The following SLC7A2 variants were observed in gnomAD, a reference collection of about 807,000 sequenced individuals.
SLC7A2 encodes the protein solute carrier family 7 member 2.
SLC7A2 carries 48 observed loss-of-function variants against 58.9 expected under a neutral mutation model. The ratio of observed to expected loss-of-function variants is 0.82; its 90% CI spans 0.65 to 1.04. The LOEUF (loss-of-function observed/expected upper bound fraction) is 1.04, where lower values mean the gene tolerates loss of function less well. Ranked by LOEUF, SLC7A2 falls within the 50% of genes least tolerant of loss-of-function variation. The pLI, the probability that SLC7A2 is intolerant of heterozygous loss-of-function variation, is 0.00. For synonymous variants in SLC7A2, 363 were observed against 314.5 expected, an observed-to-expected ratio of 1.15 and a Z score of -1.63; for missense variants, 1,029 against 818.8, an observed-to-expected ratio of 1.26 and a Z score of -3.13.
upstream of SLC7A2, among the ~76,000 whole-genome samples, chr8:17,494,982 T>C (rs1799921132): frequency 6.6e-6 from 1 of 152,248 alleles, no homozygotes; most frequent in Non-Finnish European, 1.5e-5. Flanking sequence ...CTGACAAAAT[T>C]GGCAGTTTCC....
At chr8:17,495,089 G>A (rs1006562100), upstream of SLC7A2, among the ~76,000 whole-genome samples, 2 of 152,062 alleles carry the variant, frequency 1.3e-5, no homozygotes, top group Admixed American at 6.5e-5. Context: ...AAAAATATGT[G>A]GGGAAATAAT....
chr8:17,512,489 C>G (rs1036367999), intron 2 of SLC7A2, among the ~76,000 whole-genome samples: 2 of 152,062 alleles, frequency 1.3e-5, no homozygotes, highest in Non-Finnish European at 2.9e-5. Flanking sequence ...GGAGATTGCA[C>G]TGAGGCAAGA....
intron 11 of SLC7A2, 35 bp from the exon 12 acceptor site, chr8:17,563,568 A>C: frequency 7.9e-7 from 1 of 1,272,596 alleles, no homozygotes; most frequent in Non-Finnish European, 1.1e-6. Flanking sequence ...GCTTCAAAAT[A>C]TGAGTATGTT....
intron 2 of SLC7A2, among the ~76,000 whole-genome samples, chr8:17,512,614 A>G (rs1309322887): frequency 4.3e-5 from 4 of 93,228 alleles, no homozygotes; most frequent in Admixed American, 3.6e-4. Flanking sequence ...CTTATCCCTC[A>G]TGGTGGGTTT....
At chr8:17,525,656 A>G (rs546827942) in intron 2 of SLC7A2, among the ~76,000 whole-genome samples, 4 of 152,216 alleles carry the variant, frequency 2.6e-5, no homozygotes, top group Non-Finnish European at 4.4e-5. Context: ...AGAATCCTAC[A>G]TGCCTCAACA....
At chr8:17,508,672 C>T (rs535024569) in intron 2 of SLC7A2, among the ~76,000 whole-genome samples, 4 of 151,492 alleles carry the variant, frequency 2.6e-5, no homozygotes, top group East Asian at 1.9e-4. Flanking sequence ...TACAGTGAGG[C>T]GAGACCACTC....
intron 8 of SLC7A2, among the ~76,000 whole-genome samples, chr8:17,555,422 A>C (rs1802652073): frequency 6.6e-6 from 1 of 152,344 alleles, no homozygotes; most frequent in South Asian, 2.1e-4. Flanking sequence ...TATTATTGAT[A>C]CATAAACTTC....
intron 2 of SLC7A2, among the ~76,000 whole-genome samples, chr8:17,517,778 C>T (rs1027695219): frequency 8.5e-5 from 13 of 152,100 alleles, no homozygotes; most frequent in Admixed American, 7.2e-4. Context: ...TTTTTGGTAA[C>T]ATCTTGATGA....
Position 17,548,752 on chromosome 8 carries a change from C to T in SLC7A2, c.607C>T (p.Leu203=), listed in dbSNP as rs757615348. 1 of 1,613,724 alleles carries T rather than the reference C, an allele frequency of 6.2e-7. No homozygotes were observed. Among genetic ancestry groups the T allele is most frequent in the Non-Finnish European group, 8.5e-7 (1 of 1,179,800 alleles). ...VFTAVNILVL[L]FVMVAGFVKG... ...CACAGCTGTTAATATTCTCGTCCTT[C>T]TGTTTGTGATGGTTGCTGGGTTTGT... is the stretch of plus-strand genomic sequence containing the variant. Residue 203 remains leucine (L), a synonymous_variant, in exon 5 of 13, where the codon CTG becomes TTG. Coordinates refer to ENST00000494857, the MANE Select transcript of SLC7A2 (RefSeq NM_001370338.1).
At chr8:17,535,388 A>G (rs1300049824) in intron 2 of SLC7A2, among the ~76,000 whole-genome samples, 1 of 152,084 alleles carries the variant, frequency 6.6e-6, no homozygotes, top group African/African-American at 2.4e-5. Flanking sequence ...AACTACCTGT[A>G]TCCCCGTCAC....
intron 7 of SLC7A2, 98 bp from the exon 8 acceptor site, chr8:17,554,462 A>G (rs529586872): frequency 5.2e-6 from 5 of 955,594 alleles, no homozygotes; most frequent in South Asian, 2.9e-5. Flanking sequence ...CATAATTACA[A>G]CTGTCATGCT....
intron 2 of SLC7A2, among the ~76,000 whole-genome samples, chr8:17,542,856 G>A (rs546053679): frequency 3.9e-5 from 6 of 152,048 alleles, no homozygotes; most frequent in South Asian, 4.1e-4. Context: ...GAGCTACTCC[G>A]GAGGCTGAGG....
chr8:17,543,852 TCTC>T (rs200478026), intron 3 of SLC7A2, 137 bp downstream of exon 3: 1 of 691,664 alleles, frequency 1.4e-6, no homozygotes. Flanking sequence ...CTCGAAAATG[TCTC>T]CTTCTAATTA....
At chr8:17,561,901 G>A (rs770164412) in intron 10 of SLC7A2, 43 bp from the exon 11 acceptor site, 2 of 1,598,646 alleles carry the variant, frequency 1.3e-6, no homozygotes, top group Non-Finnish European at 1.7e-6. Context: ...AATCTGGGTG[G>A]AGCACAGTGT....
chr8:17,513,994 A>G (rs368851342), intron 2 of SLC7A2, among the ~76,000 whole-genome samples: 61 of 152,336 alleles, frequency 4.0e-4, no homozygotes, highest in African/African-American at 1.3e-3. Context: ...GGATTTAAAA[A>G]TAATCTGGGT....
rs1215185531 is a variant in SLC7A2, at chr8:17,570,279, G to T, written c.*5133G>T. ...AGGAGTGTCCAGTTGTTTTATTGCT[G>T]TATTTTGTTATTGCAGTACTTAATA... On this transcript the variant is annotated 3_prime_UTR_variant, in exon 13 of 13. Coordinates refer to ENST00000494857, the MANE Select transcript of SLC7A2 (RefSeq NM_001370338.1). 1 of 152,344 alleles carries T rather than the reference G, an allele frequency of 6.6e-6. No homozygotes were observed. 9.4% of individuals were successfully genotyped at this position (152,344 alleles called of 1,614,324 possible).
chr8:17,534,087 C>A (rs995301665), intron 2 of SLC7A2, among the ~76,000 whole-genome samples: 1 of 152,184 alleles, frequency 6.6e-6, no homozygotes, highest in South Asian at 2.1e-4. Flanking sequence ...CTGCAAAGGA[C>A]ATGATCTTGT....
At chr8:17,524,873 A>G (rs1470579107) in intron 2 of SLC7A2, among the ~76,000 whole-genome samples, 5 of 152,042 alleles carry the variant, frequency 3.3e-5, no homozygotes, top group East Asian at 1.9e-4. Context: ...AGTTCTTAGC[A>G]TACTTGATGA....
At chr8:17,518,183 A>G (rs982323909) in intron 2 of SLC7A2, among the ~76,000 whole-genome samples, 17 of 151,178 alleles carry the variant, frequency 1.1e-4, no homozygotes, top group African/African-American at 3.9e-4. Context: ...TCCCCATATG[A>G]TAGTCTCAAA....
Sources: allele counts gnomAD v4.1 joint callset (sites outside exome capture counted in the v4.1 genomes callset), GRCh38; gene constraint gnomAD v4.1.1; transcripts MANE v1.5; gene names NCBI Gene and HGNC (gene_info 2026-07-23, HGNC 2026-07-21).